The following TUT4 variants were observed in gnomAD, a reference collection of about 807,000 sequenced individuals.
TUT4 encodes the protein terminal uridylyl transferase 4, also known as terminal uridylyltransferase 4.
Under a neutral mutation model 192.2 loss-of-function variants are expected in TUT4, and 36 were observed. The ratio of observed to expected loss-of-function variants is 0.19; its 90% CI spans 0.14 to 0.25. The LOEUF is 0.25. TUT4 is among the 10% of genes least tolerant of loss of function. TUT4 has a pLI of 1.00. For missense variants in TUT4, 1,493 were observed against 1,957.2 expected (o/e 0.76, Z 4.47); for synonymous variants, 618 against 666.0 (o/e 0.93, Z 1.11).
At chr1:52,445,508 C>G (rs1279866009) in intron 24 of TUT4, among the ~76,000 whole-genome samples, 1 of 152,148 alleles carries the variant, frequency 6.6e-6, no homozygotes, top group Admixed American at 6.6e-5. Flanking sequence ...GCGCCAGACA[C>G]TATGTATGTA....
At chr1:52,433,542 G>A (rs1261184002) in intron 27 of TUT4, 1 of 152,196 alleles carries the variant, frequency 6.6e-6, no homozygotes, top group Non-Finnish European at 1.5e-5. Flanking sequence ...TAGGCATGTT[G>A]ACGTGCTTTG....
chr1:52,439,591 C>G (rs565812311), intron 24 of TUT4, among the ~76,000 whole-genome samples: 1 of 152,142 alleles, frequency 6.6e-6, no homozygotes, highest in Non-Finnish European at 1.5e-5. Context: ...ATAAGAGACA[C>G]GCCCAATAAG....
At chr1:52,466,509 G>C (rs980813220) in intron 15 of TUT4, among the ~76,000 whole-genome samples, 1 of 151,086 alleles carries the variant, frequency 6.6e-6, no homozygotes, top group Non-Finnish European at 1.5e-5. Flanking sequence ...GTGGTGGCGC[G>C]CACCTGTGGT....
chr1:52,521,659 T>C (rs1680311768), intron 2 of TUT4, among the ~76,000 whole-genome samples: 1 of 149,222 alleles, frequency 6.7e-6, no homozygotes, highest in South Asian at 2.1e-4. Context: ...GGTGACTCTG[T>C]CTCAAAAAAC....
At chr1:52,515,765 G>T in intron 3 of TUT4, 126 bp downstream of exon 3, 1 of 1,040,280 alleles carries the variant, frequency 9.6e-7, no homozygotes, top group Non-Finnish European at 1.4e-6. Flanking sequence ...TAGAGAAGAG[G>T]GAAGTAAGGA....
chr1:52,474,764 T>A, intron 13 of TUT4, 68 bp downstream of exon 13: 1 of 1,317,180 alleles, frequency 7.6e-7, no homozygotes, highest in Non-Finnish European at 1.0e-6. Flanking sequence ...ACATTTCTAA[T>A]CTAAAAAATA....
chr1:52,530,241 A>G (rs1162840511), intron 1 of TUT4, among the ~76,000 whole-genome samples: 1 of 141,532 alleles, frequency 7.1e-6, no homozygotes, highest in African/African-American at 2.7e-5. Context: ...CCTGGGTGAC[A>G]GAGTGAGACT....
Position 52,549,705 on chromosome 1 carries a change from A to C in TUT4, c.-94+3226T>G, listed in dbSNP as rs546317009. On this transcript the variant is annotated intron_variant, in intron 1 of 29. Transcript: ENST00000257177. ...GGAAGAGAGATCTGCTTTGAAATCT[A>C]ATTCTATGATCTTCAGCAAATCACT... 2.0e-5 allele frequency among the ~76,000 whole-genome samples: 3 copies of C among 152,310 alleles called. No individual in the cohort carries two copies. The East Asian group carries it at 5.8e-4, about 29-fold the overall frequency.
chr1:52,438,878 T>G (rs145381472), intron 24 of TUT4, among the ~76,000 whole-genome samples: 1,841 of 152,260 alleles, frequency 0.012, 50 homozygotes, highest in African/African-American at 0.043. Context: ...GAGACCAGCC[T>G]GGCCAACATG....
At chr1:52,546,138 C>CATAA (rs746375911) in intron 1 of TUT4, among the ~76,000 whole-genome samples, 1 of 151,876 alleles carries the variant, frequency 6.6e-6, no homozygotes, top group Admixed American at 6.6e-5. Flanking sequence ...GATCTTGTCT[C>CATAA]ATAAATAAAT....
intron 2 of TUT4, among the ~76,000 whole-genome samples, chr1:52,519,802 C>A (rs145320457): frequency 0.01 from 1,550 of 152,276 alleles, 24 homozygotes; most frequent in African/African-American, 0.036. Flanking sequence ...AGCCACTGCA[C>A]CTGGCCTTGA....
intron 1 of TUT4, among the ~76,000 whole-genome samples, chr1:52,532,138 A>G (rs746400878): frequency 5.9e-5 from 9 of 151,570 alleles, no homozygotes; most frequent in Admixed American, 2.0e-4. Flanking sequence ...TCGGCCTCCC[A>G]AAGTGCTGGG....
chr1:52,518,995 C>T (rs1679455593), intron 2 of TUT4, among the ~76,000 whole-genome samples: 1 of 152,020 alleles, frequency 6.6e-6, no homozygotes, highest in Admixed American at 6.6e-5. Flanking sequence ...ATAGAGTTAG[C>T]ATACAACTAG....
intron 14 of TUT4, among the ~76,000 whole-genome samples, chr1:52,471,455 T>C (rs528574788): frequency 5.3e-5 from 8 of 152,222 alleles, no homozygotes; most frequent in Admixed American, 1.3e-4. Context: ...ACCACTACTA[T>C]AGCATGTAAC....
At chr1:52,538,997 A>T (rs1685748532) in intron 1 of TUT4, among the ~76,000 whole-genome samples, 1 of 152,206 alleles carries the variant, frequency 6.6e-6, no homozygotes, top group Non-Finnish European at 1.5e-5. Flanking sequence ...CACTAGTTAT[A>T]CAATTTGGAG....
chr1:52,487,863 C>T (rs997614510), intron 9 of TUT4, among the ~76,000 whole-genome samples: 12 of 152,164 alleles, frequency 7.9e-5, no homozygotes, highest in African/African-American at 2.7e-4. Context: ...TGGGGATCAG[C>T]CGTGAATACA....
rs184457378 is a variant in TUT4, at chr1:52,551,645, T to C, written c.-94+1286A>G. On this transcript the variant is annotated intron_variant, in intron 1 of 29. Coordinates refer to ENST00000257177, the MANE Select transcript of TUT4 (RefSeq NM_001009881.3). ...CTACGATGCAGTGTAGTGACATACA[T>C]GAGTTCTAAGCCTAAAGAAAATTTC... Among the ~76,000 whole-genome samples the C allele has an allele frequency of 1.6e-3, 244 of 152,332 alleles. 1 individual carries two copies. The highest frequency in any genetic ancestry group is 0.011 in the South Asian group (55 of 4,828).
intron 4 of TUT4, among the ~76,000 whole-genome samples, chr1:52,500,260 T>C (rs1673723539): frequency 6.6e-6 from 1 of 152,222 alleles, no homozygotes; most frequent in Middle Eastern, 3.4e-3. Context: ...AATATCTACA[T>C]GTAAAAGAAT....
At chr1:52,538,055 G>A (rs1685434503) in intron 1 of TUT4, among the ~76,000 whole-genome samples, 1 of 152,136 alleles carries the variant, frequency 6.6e-6, no homozygotes, top group African/African-American at 2.4e-5. Flanking sequence ...GGGCAACATG[G>A]TGAAACCCCG....
Sources: allele counts gnomAD v4.1 joint callset (sites outside exome capture counted in the v4.1 genomes callset), GRCh38; gene constraint gnomAD v4.1.1; transcripts MANE v1.5; gene names NCBI Gene and HGNC (gene_info 2026-07-23, HGNC 2026-07-21).